MYO1B: variants seen among roughly 807,000 people sequenced by gnomAD.
The protein encoded by MYO1B is unconventional myosin-Ib.
A neutral mutation model predicts 159.7 loss-of-function variants in MYO1B; 72 were observed. The observed-to-expected ratio is 0.45, with a 90% CI of 0.37 to 0.55. The LOEUF (loss-of-function observed/expected upper bound fraction) is 0.55. MYO1B is among the 20% of genes least tolerant of loss of function. The pLI is 0.00. For missense variants in MYO1B, 1,062 were observed against 1,364.8 expected, an observed-to-expected ratio of 0.78 and a Z score of 3.50; for synonymous variants, 468 against 473.8, an observed-to-expected ratio of 0.99 and a Z score of 0.16.
At chr2:191,360,754 T>TTGG in intron 8 of MYO1B, 25 bp downstream of exon 8, 1 of 797,058 alleles carries the variant, frequency 1.3e-6, no homozygotes, top group Non-Finnish European at 1.9e-6. Context: ...CTATGTGGTG[T>TTGG]TGTTGTTGTT....
intron 21 of MYO1B, among the ~76,000 whole-genome samples, chr2:191,398,905 C>A (rs967680265): frequency 5.9e-5 from 9 of 152,184 alleles, no homozygotes; most frequent in African/African-American, 2.2e-4. Context: ...TTTGGGAGGC[C>A]AAGGCAGGCG....
At position 191,369,815 on chromosome 2, in the gene MYO1B, G is replaced by A. The variant is rs536526832; in HGVS notation, c.1119+187G>A. ...GATTTTGTTTATTTTGTTTTGCCAT[G>A]TGTGTTGCTTCTGACTGGTGAATAG... On this transcript the variant is annotated intron_variant, in intron 12 of 30. Transcript: ENST00000392318. Among the ~76,000 whole-genome samples, 3 of 152,288 alleles carry A rather than the reference G, an allele frequency of 2.0e-5. No individual in the cohort carries two copies. In the Middle Eastern group the frequency reaches 0.01, roughly 518 times the overall value.
intron 7 of MYO1B, among the ~76,000 whole-genome samples, chr2:191,350,648 A>G (rs1223066635): frequency 6.6e-6 from 1 of 152,104 alleles, no homozygotes; most frequent in East Asian, 1.9e-4. Flanking sequence ...CAATAAAAGG[A>G]GTAGACCTGT....
rs968950737 is a variant in MYO1B, at chr2:191,424,303, G to T, written c.*343G>T. 16 of 207,660 alleles carry T rather than the reference G, an allele frequency of 7.7e-5. No individual in the cohort carries two copies. The highest frequency in any genetic ancestry group is 2.7e-4 in the Admixed American group (5 of 18,782). The allele number at this position is 207,660 out of a possible 1,614,324, so 12.9% of individuals were successfully genotyped here. A position where few individuals can be genotyped will look rare whatever the true frequency, so the allele number is the denominator to read the frequency against. ...ATAGGAAATGGTCTTAAAAGATACTGCATTCATTCATCAGATATTTATTCC... is the reference window on the plus strand; with the variant it reads ...ATAGGAAATGGTCTTAAAAGATACTTCATTCATTCATCAGATATTTATTCC... On this transcript the variant is annotated 3_prime_UTR_variant, in exon 31 of 31. Coordinates refer to ENST00000392318, the MANE Select transcript of MYO1B (RefSeq NM_001130158.3).
chr2:191,317,834 G>T (rs2125883520), intron 3 of MYO1B, among the ~76,000 whole-genome samples: 1 of 152,294 alleles, frequency 6.6e-6, no homozygotes, highest in Non-Finnish European at 1.5e-5. Flanking sequence ...AGAGCTCTTT[G>T]TAAGCATATG....
chr2:191,355,429 T>C (rs1693210465), intron 7 of MYO1B, among the ~76,000 whole-genome samples: 1 of 152,246 alleles, frequency 6.6e-6, no homozygotes, highest in African/African-American at 2.4e-5. Context: ...TCACCCAGTT[T>C]GGAAGCACTT....
At chr2:191,377,663 G>T (rs1194971871) in intron 13 of MYO1B, 1 of 152,180 alleles carries the variant, frequency 6.6e-6, no homozygotes, top group Non-Finnish European at 1.5e-5. Context: ...TGTATTAATG[G>T]AAAAATGTGT....
intron 18 of MYO1B, among the ~76,000 whole-genome samples, chr2:191,390,861 G>A (rs1332402252): frequency 1.3e-5 from 2 of 152,256 alleles, no homozygotes; most frequent in Admixed American, 6.5e-5. Flanking sequence ...AGAATCAGTG[G>A]ATGGGTGAAG....
intron 3 of MYO1B, among the ~76,000 whole-genome samples, chr2:191,311,564 A>G (rs998088042): frequency 4.6e-5 from 7 of 152,178 alleles, no homozygotes; most frequent in Non-Finnish European, 8.8e-5. Flanking sequence ...ACGTTTGGCC[A>G]TGCAGTGTTG....
At chr2:191,360,786 G>GTTGTTGTTT in intron 8 of MYO1B, 57 bp downstream of exon 8, 3 of 1,340,114 alleles carry the variant, frequency 2.2e-6, no homozygotes, top group Non-Finnish European at 3.2e-6. Flanking sequence ...TGTTGTTGTT[G>GTTGTTGTTT]TTGGAGCTGG....
intron 29 of MYO1B, among the ~76,000 whole-genome samples, chr2:191,415,732 G>C (rs536463781): frequency 6.6e-6 from 1 of 152,236 alleles, no homozygotes; most frequent in African/African-American, 2.4e-5. Flanking sequence ...TTTTAATCAA[G>C]TCCTTCAGAA....
chr2:191,412,066 A>G (rs759339233), intron 27 of MYO1B, among the ~76,000 whole-genome samples: 2 of 152,226 alleles, frequency 1.3e-5, no homozygotes, highest in Non-Finnish European at 2.9e-5. Context: ...AGGAATATAC[A>G]TTGCCAGACT....
chr2:191,363,567 A>G, intron 9 of MYO1B, 161 bp from the exon 10 acceptor site: 1 of 469,056 alleles, frequency 2.1e-6, no homozygotes, highest in Non-Finnish European at 2.8e-6. Flanking sequence ...CACCAGAGGT[A>G]CCCCCAGGGT....
chr2:191,417,263 G>C (rs1697635180), intron 30 of MYO1B, among the ~76,000 whole-genome samples: 1 of 152,164 alleles, frequency 6.6e-6, no homozygotes, highest in Non-Finnish European at 1.5e-5. Flanking sequence ...GAAGTGTTTA[G>C]ATTTGGGTGG....
intron 1 of MYO1B, among the ~76,000 whole-genome samples, chr2:191,253,945 C>G (rs1686280684): frequency 6.6e-6 from 1 of 152,126 alleles, no homozygotes; most frequent in South Asian, 2.1e-4. Flanking sequence ...GTATGTAAAA[C>G]TCTTTCATAC....
chr2:191,278,604 A>G (rs370334793), intron 2 of MYO1B, among the ~76,000 whole-genome samples: 7 of 152,248 alleles, frequency 4.6e-5, no homozygotes, highest in South Asian at 4.1e-4. Flanking sequence ...GGATAACTGG[A>G]TACTAAACTG....
At chr2:191,280,729 A>G (rs534693141) in intron 2 of MYO1B, among the ~76,000 whole-genome samples, 98 of 152,342 alleles carry the variant, frequency 6.4e-4, no homozygotes, top group Middle Eastern at 6.8e-3. Context: ...TCCCAACCAA[A>G]TATATCTATT....
chr2:191,335,008 A>G (rs1223569918), intron 4 of MYO1B, among the ~76,000 whole-genome samples: 3 of 152,190 alleles, frequency 2.0e-5, no homozygotes, highest in Non-Finnish European at 4.4e-5. Flanking sequence ...TCCTTGGACC[A>G]TACTTCGAGT....
At chr2:191,360,803 C>T (rs1347807750) in intron 8 of MYO1B, 74 bp downstream of exon 8, 1 of 940,648 alleles carries the variant, frequency 1.1e-6, no homozygotes, top group African/African-American at 1.6e-5. Flanking sequence ...CTGGGAGTCT[C>T]ACTGTGTTGC....
Sources: allele counts gnomAD v4.1 joint callset (sites outside exome capture counted in the v4.1 genomes callset), GRCh38; gene constraint gnomAD v4.1.1; transcripts MANE v1.5; gene names NCBI Gene and HGNC (gene_info 2026-07-23, HGNC 2026-07-21).